The following ESRRB variants were observed in gnomAD, a reference collection of about 807,000 sequenced individuals.
ESRRB encodes steroid hormone receptor ERR2.
In ESRRB, 16 loss-of-function variants were observed where a neutral mutation model predicts 46.0. That is an observed-to-expected ratio of 0.35 (90% CI 0.24 to 0.53). The LOEUF is 0.53. Ranked by LOEUF, ESRRB falls within the 20% of genes least tolerant of loss-of-function variation. The probability of loss-of-function intolerance (pLI) is 0.93; values close to 1 mark genes in which losing one functional copy is unlikely to be tolerated. For missense variants in ESRRB, 488 were observed against 607.4 expected (o/e 0.80, Z 2.07); for synonymous variants, 246 against 259.6 (o/e 0.95, Z 0.50).
chr14:76,394,956 G>A (rs960962176), intron 1 of ESRRB, among the ~76,000 whole-genome samples: 4 of 152,168 alleles, frequency 2.6e-5, no homozygotes, highest in Admixed American at 6.5e-5. Context: ...CTGGTAGGAG[G>A]GAAGATGAGC....
In ESRRB at chr14:76,439,411, C is replaced by T; in HGVS notation, c.121C>T (p.Pro41Ser). Reference protein sequence around the residue: ...SSCGSFIKTEPSSPSSGIDAL... With the variant: ...SSCGSFIKTESSSPSSGIDAL... ...CTGCGGCTCCTTCATCAAGACTGAG[C>T]CGTCCAGCCCGTCCTCGGGCATCGA... Residue 41 changes from proline to serine, a missense_variant, in exon 2 of 7, where the codon CCG becomes TCG. By Grantham distance (74) the Pro-to-Ser change is moderately conservative. Transcript: ENST00000644823. The T allele has an allele frequency of 6.2e-7, 1 of 1,613,454 alleles. No homozygotes were observed. The highest frequency in any genetic ancestry group is 8.5e-7 in the Non-Finnish European group (1 of 1,179,872).
chr14:76,459,602 A>G (rs1229965942), intron 2 of ESRRB, among the ~76,000 whole-genome samples: 1 of 152,194 alleles, frequency 6.6e-6, no homozygotes, highest in Non-Finnish European at 1.5e-5. Context: ...AGCGCCTTCT[A>G]AGCCAAGATA....
At chr14:76,439,300 C>T (rs762633938) in intron 1 of ESRRB, 41 bp from the exon 2 acceptor site, 2 of 1,612,414 alleles carry the variant, frequency 1.2e-6, no homozygotes, top group Non-Finnish European at 1.7e-6. Context: ...ACCACACCCA[C>T]AGCACCTTGC....
In ESRRB at chr14:76,468,643, T is replaced by C. The variant is rs28595559; in HGVS notation, c.577+5982T>C. ...GGTTAAACCTCATCTTCACCACTTA[T>C]CGACTCCTTGGGCCAGTTACTTAAA... is the stretch of plus-strand genomic sequence containing the variant. On this transcript the variant is annotated intron_variant, in intron 3 of 6. Transcript: ENST00000644823. 7.0e-3 allele frequency among the ~76,000 whole-genome samples: 1,066 copies of C among 152,190 alleles called. 9 individuals carry two copies. The highest frequency in any genetic ancestry group is 0.024 in the African/African-American group (1,015 of 41,532).
rs114481240 is a variant in ESRRB, at chr14:76,412,524, G to A, written c.51-26817G>A. On this transcript the variant is annotated intron_variant, in intron 1 of 6. Transcript: ENST00000644823. Reference sequence around the variant, plus strand: ...GAAGCTGCTCCTCCACTGGGCTGTCGACCTGGGAGCCTCCATCCTCCTCCT... The same window carrying A: ...GAAGCTGCTCCTCCACTGGGCTGTCAACCTGGGAGCCTCCATCCTCCTCCT... Among the ~76,000 whole-genome samples, 1,342 of 152,100 alleles carry A rather than the reference G, an allele frequency of 8.8e-3. 16 individuals carry two copies. The highest frequency in any genetic ancestry group is 0.031 in the African/African-American group (1,293 of 41,488).
At chr14:76,497,431 G>A (rs1890475887) in intron 6 of ESRRB, among the ~76,000 whole-genome samples, 2 of 152,170 alleles carry the variant, frequency 1.3e-5, no homozygotes, top group African/African-American at 4.8e-5. Flanking sequence ...AGCCGGCTTA[G>A]ACCCAGCTGT....
Position 76,501,796 on chromosome 14 carries a change from C to T in ESRRB, c.*3338C>T, listed in dbSNP as rs192712591. ...ATCAAATGCCCTAGGATGCTTCCAT[C>T]CTGGTCCCATGTATCTGGAATCTAA... On this transcript the variant is annotated 3_prime_UTR_variant, in exon 7 of 7. Coordinates refer to ENST00000644823, the MANE Select transcript of ESRRB (RefSeq NM_001379180.1). 37 of 152,316 alleles carry T rather than the reference C, an allele frequency of 2.4e-4. No individual in the cohort carries two copies. The highest frequency in any genetic ancestry group is 8.4e-4 in the African/African-American group (35 of 41,556). The allele number at this position is 152,316 out of a possible 1,614,324, so 9.4% of individuals were successfully genotyped here. A position where few individuals can be genotyped will look rare whatever the true frequency, so the allele number is the denominator to read the frequency against.
At chr14:76,370,596 G>A (rs1054687677), upstream of ESRRB, among the ~76,000 whole-genome samples, 4 of 152,096 alleles carry the variant, frequency 2.6e-5, no homozygotes, top group Admixed American at 6.6e-5. Flanking sequence ...AGGTACTATC[G>A]AGGTATGGTA....
At chr14:76,350,246 A>T (rs1187266455) in intron 1 of ESRRB, among the ~76,000 whole-genome samples, 1 of 152,188 alleles carries the variant, frequency 6.6e-6, no homozygotes, top group Non-Finnish European at 1.5e-5. Context: ...TCACTAAAGC[A>T]TGTCCGCCCT....
chr14:76,439,305 C>T, intron 1 of ESRRB, 36 bp from the exon 2 acceptor site: 2 of 1,612,862 alleles, frequency 1.2e-6, no homozygotes, highest in Non-Finnish European at 1.7e-6. Context: ...ACCCACAGCA[C>T]CTTGCTGGGG....
intron 1 of ESRRB, among the ~76,000 whole-genome samples, chr14:76,335,263 C>T (rs192342953): frequency 2.0e-5 from 3 of 152,318 alleles, no homozygotes; most frequent in African/African-American, 7.2e-5. Flanking sequence ...GCCTTGGCAC[C>T]TCTGCTGCCC....
chr14:76,468,374 A>G (rs1358990412), intron 3 of ESRRB, among the ~76,000 whole-genome samples: 1 of 150,796 alleles, frequency 6.6e-6, no homozygotes, highest in African/African-American at 2.4e-5. Context: ...GAGCCACTTT[A>G]CATTCTACAC....
At chr14:76,369,115 T>C (rs1288049492), upstream of ESRRB, among the ~76,000 whole-genome samples, 1 of 150,938 alleles carries the variant, frequency 6.6e-6, no homozygotes, top group Non-Finnish European at 1.5e-5. Context: ...GAGAATCGCT[T>C]GAACCAGGGA....
intron 1 of ESRRB, among the ~76,000 whole-genome samples, chr14:76,332,607 TTTATATATTATATAAATATATATTA>T (rs1884032337): frequency 2.2e-5 from 1 of 44,834 alleles, no homozygotes; most frequent in South Asian, 5.7e-4. Context: ...ATATTATATA[TTTATATATTATATAAATATATATTA>T]TATATATTTA....
chr14:76,449,377 C>T (rs186496276), intron 2 of ESRRB, among the ~76,000 whole-genome samples: 7 of 152,048 alleles, frequency 4.6e-5, no homozygotes, highest in Admixed American at 3.9e-4. Flanking sequence ...ATGGCGAAAC[C>T]CCATCTCTAC....
At position 76,333,071 on chromosome 14, in the gene ESRRB, T is replaced by TAA. The variant is rs1884063357; in HGVS notation, c.2+22155_2+22156insAA. ...TATATTATATATTATATATTATATATTATATATATTATTTATATTATATAT... is the reference window on the plus strand; with the variant it reads ...TATATTATATATTATATATTATATATAATATATATATTATTTATATTATATAT... On this transcript the variant is annotated intron_variant, in intron 1 of 6. Transcript: ENST00000512784. Among the ~76,000 whole-genome samples the TAA allele has an allele frequency of 1.5e-3, 14 of 9,494 alleles. 3 individuals carry two copies. The highest frequency in any genetic ancestry group is 2.0e-3 in the Non-Finnish European group (11 of 5,464). The allele number at this position is 9,494 out of a possible 152,430, so 6.2% of individuals were successfully genotyped here. A position where few individuals can be genotyped will look rare whatever the true frequency, so the allele number is the denominator to read the frequency against.
At chr14:76,416,523 G>A (rs1352590222) in intron 1 of ESRRB, among the ~76,000 whole-genome samples, 1 of 152,002 alleles carries the variant, frequency 6.6e-6, no homozygotes, top group Non-Finnish European at 1.5e-5. Context: ...GGGCTAGAGT[G>A]CAATGGCGTG....
intron 1 of ESRRB, among the ~76,000 whole-genome samples, chr14:76,331,636 G>A (rs1264523959): frequency 2.0e-5 from 3 of 152,134 alleles, no homozygotes; most frequent in Non-Finnish European, 2.9e-5. Flanking sequence ...ACAGAGAGCT[G>A]GGGATATGCA....
chr14:76,484,902 G>A (rs1374188800), intron 5 of ESRRB, among the ~76,000 whole-genome samples: 1 of 152,224 alleles, frequency 6.6e-6, no homozygotes, highest in African/African-American at 2.4e-5. Context: ...TCACGGGATT[G>A]CTGTGAGGAT....
Sources: allele counts gnomAD v4.1 joint callset (sites outside exome capture counted in the v4.1 genomes callset), GRCh38; gene constraint gnomAD v4.1.1; transcripts MANE v1.5; gene names NCBI Gene and HGNC (gene_info 2026-07-23, HGNC 2026-07-21).